COPG1: variants seen among roughly 807,000 people sequenced by gnomAD.
COPG1 encodes the protein coat protein complex I subunit gamma 1, also known as coatomer subunit gamma-1.
A neutral mutation model predicts 102.8 loss-of-function variants in COPG1; 29 were observed. The ratio of observed to expected loss-of-function variants is 0.28; its 90% CI spans 0.21 to 0.38. COPG1 has a LOEUF of 0.38. Ranked by LOEUF, COPG1 falls within the 10% of genes least tolerant of loss-of-function variation. The pLI is 1.00. For synonymous variants in COPG1, 406 were observed against 421.6 expected (o/e 0.96, Z 0.45); for missense variants, 875 against 1,132.7 (o/e 0.77, Z 3.27).
In COPG1 at chr3:129,267,080, A is replaced by G. The variant is rs143413694; in HGVS notation, c.1525A>G (p.Ile509Val). 2.2e-5 allele frequency: 36 copies of G among 1,613,822 alleles called. No homozygotes were observed. In the African/African-American group the frequency reaches 4.1e-4, roughly 19 times the overall value. Residue 509 changes from isoleucine to valine, a missense_variant, in exon 15 of 24, where the codon ATC becomes GTC. Physicochemically the swap from Ile to Val is conservative, Grantham distance 29. Transcript: ENST00000314797. ...CCAGAATGAAGAGATGTTACCCAGT[A>G]TCTTGGTGTTGCTGAAGAGGTGAGT... ...GAQNEEMLPS[I>V]LVLLKRCVMD...
Position 129,249,679 on chromosome 3 carries a change from C to G in COPG1, c.-31C>G. ...TCCGTGCCGCGCCCGTCGAGCATTG[C>G]GTTGCTGCATTGCGCCCCACCGACT... On this transcript the variant is annotated 5_prime_UTR_variant, in exon 1 of 24. Coordinates refer to ENST00000314797, the MANE Select transcript of COPG1 (RefSeq NM_016128.4). The G allele has an allele frequency of 1.3e-6, 2 of 1,550,866 alleles. No homozygotes were observed. The highest frequency in any genetic ancestry group is 1.8e-4 in the Middle Eastern group (1 of 5,592).
At chr3:129,263,118 C>T (rs916769888) in intron 12 of COPG1, among the ~76,000 whole-genome samples, 1 of 151,688 alleles carries the variant, frequency 6.6e-6, no homozygotes, top group Non-Finnish European at 1.5e-5. Flanking sequence ...GTGCCTGAAC[C>T]GGCGGGAGTA....
At chr3:129,255,206 T>C (rs1939783346) in intron 7 of COPG1, 129 bp downstream of exon 7, 10 of 632,130 alleles carry the variant, frequency 1.6e-5, no homozygotes, top group South Asian at 1.6e-4. Context: ...TGAGACGGAG[T>C]CTCACTCTGT....
intron 3 of COPG1, 67 bp from the exon 4 acceptor site, chr3:129,252,556 C>A: frequency 7.3e-7 from 1 of 1,364,650 alleles, no homozygotes; most frequent in East Asian, 2.3e-5. Flanking sequence ...CTGGTGTGGG[C>A]TGATCCTGAA....
intron 4 of COPG1, 56 bp downstream of exon 4, chr3:129,252,750 G>T: frequency 6.4e-7 from 1 of 1,563,508 alleles, no homozygotes. Context: ...AAGGTGGTGG[G>T]AGGGCCAAAG....
At chr3:129,261,734 C>T (rs1939929695) in intron 12 of COPG1, among the ~76,000 whole-genome samples, 1 of 152,236 alleles carries the variant, frequency 6.6e-6, no homozygotes, top group South Asian at 2.1e-4. Flanking sequence ...ACAGGCAACT[C>T]CTGTGTGTAT....
chr3:129,268,731 G>A, intron 17 of COPG1, 111 bp downstream of exon 17: 1 of 1,339,986 alleles, frequency 7.5e-7, no homozygotes, highest in Non-Finnish European at 1.0e-6. Flanking sequence ...TATGCTGGGA[G>A]GAGGAAATGA....
At chr3:129,272,947 G>A in intron 21 of COPG1, 43 bp downstream of exon 21, 5 of 1,135,856 alleles carry the variant, frequency 4.4e-6, no homozygotes, top group African/African-American at 1.5e-5. Flanking sequence ...TGCTGAGGCT[G>A]CAAAGCAACT....
chr3:129,277,130 G>T (rs989605927), intron 23 of COPG1, among the ~76,000 whole-genome samples, 164 bp from the exon 24 acceptor site: 1 of 152,104 alleles, frequency 6.6e-6, no homozygotes, highest in African/African-American at 2.4e-5. Context: ...CTGAGAGACA[G>T]TGACTTTCAC....
chr3:129,259,484 AT>A (rs1939881173), intron 10 of COPG1, among the ~76,000 whole-genome samples: 4 of 149,580 alleles, frequency 2.7e-5, no homozygotes, highest in African/African-American at 1.0e-4. Flanking sequence ...AAAAAAAGAA[AT>A]GGAAAAAGAA....
intron 21 of COPG1, 127 bp from the exon 22 acceptor site, chr3:129,274,711 T>C (rs1576971251): frequency 9.1e-7 from 1 of 1,099,000 alleles, no homozygotes. Context: ...CCCCAGAGTC[T>C]AGCACAGTCC....
chr3:129,250,757 T>C (rs1939677090), intron 2 of COPG1, 23 bp downstream of exon 2: 2 of 1,603,528 alleles, frequency 1.2e-6, no homozygotes, highest in African/African-American at 1.3e-5. Flanking sequence ...TGCTCCCCTC[T>C]AGCTTCCATC....
At chr3:129,252,491 C>G in intron 3 of COPG1, 130 bp downstream of exon 3, 2 of 1,003,506 alleles carry the variant, frequency 2.0e-6, no homozygotes, top group Non-Finnish European at 3.1e-6. Context: ...GCTCTGGGTC[C>G]CCTCAGCATC....
Position 129,257,567 on chromosome 3 carries a change from C to T in COPG1, c.677C>T (p.Pro226Leu). ...SKVTRHGLKSPFAYCMMIRVA... is the reference protein window; with the variant it reads ...SKVTRHGLKSLFAYCMMIRVA... ...GTCACACGGCATGGCCTTAAGTCTC[C>T]CTTTGCCTACTGCATGATGATCCGG... is the stretch of plus-strand genomic sequence containing the variant. Residue 226 changes from proline to leucine, a missense_variant, in exon 9 of 24, where the codon CCC becomes CTC. By Grantham distance (98) the Pro-to-Leu change is moderately conservative (BLOSUM62 -3). Coordinates refer to ENST00000314797, the MANE Select transcript of COPG1 (RefSeq NM_016128.4). The T allele has an allele frequency of 6.2e-7, 1 of 1,614,192 alleles. No individual in the cohort carries two copies. Among genetic ancestry groups the T allele is most frequent in the Non-Finnish European group, 8.5e-7 (1 of 1,180,040 alleles).
intron 14 of COPG1, 99 bp from the exon 15 acceptor site, chr3:129,266,925 G>T (rs1940071532): frequency 2.0e-6 from 2 of 999,690 alleles, no homozygotes; most frequent in Non-Finnish European, 1.6e-6. Context: ...CTTGCCTCTG[G>T]GGCTCTTCTG....
At chr3:129,264,496 G>A (rs1385284579) in intron 13 of COPG1, among the ~76,000 whole-genome samples, 2 of 152,170 alleles carry the variant, frequency 1.3e-5, no homozygotes, top group African/African-American at 4.8e-5. Flanking sequence ...CAGATACATG[G>A]TACCCCTTTC....
chr3:129,260,066 G>A (rs546173953), intron 10 of COPG1, among the ~76,000 whole-genome samples: 1 of 152,314 alleles, frequency 6.6e-6, no homozygotes, highest in South Asian at 2.1e-4. Flanking sequence ...AGTGAGGCAT[G>A]TCCACTGTAT....
At chr3:129,259,509 T>G in intron 10 of COPG1, among the ~76,000 whole-genome samples, 1 of 150,486 alleles carries the variant, frequency 6.6e-6, no homozygotes, top group African/African-American at 2.4e-5. Context: ...ATGAATTCAG[T>G]CACTGATTTG....
intron 5 of COPG1, among the ~76,000 whole-genome samples, chr3:129,253,304 TTAAGCTAAGCAA>T (rs1249316448): frequency 2.6e-5 from 4 of 152,206 alleles, no homozygotes; most frequent in Non-Finnish European, 5.9e-5. Context: ...GGTGTCTGCT[TTAAGCTAAGCAA>T]TTCAGGGACA....
Sources: allele counts gnomAD v4.1 joint callset (sites outside exome capture counted in the v4.1 genomes callset), GRCh38; gene constraint gnomAD v4.1.1; transcripts MANE v1.5; gene names NCBI Gene and HGNC (gene_info 2026-07-23, HGNC 2026-07-21).